SCHIP1: variants seen among roughly 807,000 people sequenced by gnomAD.
SCHIP1 encodes the protein schwannomin-interacting protein 1.
SCHIP1 carries 8 observed loss-of-function variants against 29.7 expected under a neutral mutation model. The observed-to-expected ratio is 0.27, with a 90% confidence interval of 0.16 to 0.49. The LOEUF (loss-of-function observed/expected upper bound fraction) is 0.49. SCHIP1 is among the 20% of genes least tolerant of loss of function. The pLI is 0.99. For missense variants in SCHIP1, 193 were observed against 294.6 expected (o/e 0.66, Z 2.52); for synonymous variants, 76 against 94.9 (o/e 0.80, Z 1.16).
chr3:159,713,935 T>C, the SCHIP1 span, among the ~76,000 whole-genome samples: 1 of 152,238 alleles, frequency 6.6e-6, no homozygotes, highest in Non-Finnish European at 1.5e-5. Flanking sequence ...GTCACATTTA[T>C]TGTTAATATT....
At chr3:159,795,338 C>A in the SCHIP1 span, among the ~76,000 whole-genome samples, 1 of 152,196 alleles carries the variant, frequency 6.6e-6, no homozygotes, top group African/African-American at 2.4e-5. Flanking sequence ...CTAATCCCAG[C>A]TCTTCCACTC....
At chr3:159,451,136 G>A in the SCHIP1 span, among the ~76,000 whole-genome samples, 3 of 152,082 alleles carry the variant, frequency 2.0e-5, no homozygotes, top group Non-Finnish European at 4.4e-5. Context: ...ATGACTATGA[G>A]ATTTAAAACC....
chr3:159,495,052 A>G, the SCHIP1 span, among the ~76,000 whole-genome samples: 1 of 152,246 alleles, frequency 6.6e-6, no homozygotes, highest in Non-Finnish European at 1.5e-5. Context: ...GACAAAATTC[A>G]ACAGCCCTTC....
chr3:159,446,757 C>T, the SCHIP1 span, among the ~76,000 whole-genome samples: 1 of 152,144 alleles, frequency 6.6e-6, no homozygotes, highest in South Asian at 2.1e-4. Context: ...CTGCCCCAAA[C>T]CAATTTTAAT....
At chr3:159,461,103 G>T in the SCHIP1 span, among the ~76,000 whole-genome samples, 4 of 152,150 alleles carry the variant, frequency 2.6e-5, no homozygotes, top group Middle Eastern at 0.01. Context: ...TGGGGTCAAG[G>T]GTCAGCACTC....
At chr3:159,448,845 A>G in the SCHIP1 span, among the ~76,000 whole-genome samples, 1 of 152,182 alleles carries the variant, frequency 6.6e-6, no homozygotes, top group Non-Finnish European at 1.5e-5. Flanking sequence ...GAGTGGATGG[A>G]TGCCCTTGGG....
At chr3:159,640,898 T>G in the SCHIP1 span, among the ~76,000 whole-genome samples, 1 of 152,194 alleles carries the variant, frequency 6.6e-6, no homozygotes, top group Non-Finnish European at 1.5e-5. Flanking sequence ...AGTTCTTGCC[T>G]ACATTAGAAA....
chr3:159,772,401 C>T, the SCHIP1 span, among the ~76,000 whole-genome samples: 8 of 152,222 alleles, frequency 5.3e-5, no homozygotes, highest in African/African-American at 1.9e-4. Flanking sequence ...GCCTTGGCCT[C>T]CCAAGTGCTG....
At chr3:159,401,292 G>A in the SCHIP1 span, 14 of 885,214 alleles carry the variant, frequency 1.6e-5, no homozygotes, top group East Asian at 7.2e-4. Flanking sequence ...TAGTGGTGAG[G>A]GGATGTGCAA....
chr3:159,705,927 G>A, the SCHIP1 span, among the ~76,000 whole-genome samples: 42 of 152,094 alleles, frequency 2.8e-4, 1 homozygote, highest in Middle Eastern at 3.4e-3. Context: ...GGCTGGTCTC[G>A]GAGTCCTGAC....
chr3:159,388,147 A>G, the SCHIP1 span, among the ~76,000 whole-genome samples: 1 of 152,168 alleles, frequency 6.6e-6, no homozygotes, highest in Non-Finnish European at 1.5e-5. Context: ...TATTGGAAAG[A>G]AGGAGAGCAA....
the SCHIP1 span, chr3:159,275,124 A>G: frequency 3.1e-5 from 29 of 942,682 alleles, no homozygotes; most frequent in African/African-American, 5.1e-4. Context: ...CTTAGTATAC[A>G]TTTTTGTCAT....
the SCHIP1 span, among the ~76,000 whole-genome samples, chr3:159,526,680 G>A: frequency 2.0e-5 from 3 of 152,188 alleles, no homozygotes; most frequent in Non-Finnish European, 4.4e-5. Flanking sequence ...AGTAGCTCCT[G>A]TTTGTTTTTG....
the SCHIP1 span, among the ~76,000 whole-genome samples, chr3:159,679,223 C>G: frequency 6.6e-6 from 1 of 151,548 alleles, no homozygotes; most frequent in South Asian, 2.1e-4. Context: ...GGCTTGTTGT[C>G]AAACGTGTTA....
chr3:159,613,900 C>T, the SCHIP1 span, among the ~76,000 whole-genome samples: 2 of 152,192 alleles, frequency 1.3e-5, no homozygotes, highest in African/African-American at 2.4e-5. Context: ...CAGAGATCAT[C>T]GAGGTTGTGT....
chr3:159,542,727 A>G, the SCHIP1 span, among the ~76,000 whole-genome samples: 7 of 152,106 alleles, frequency 4.6e-5, no homozygotes, highest in Admixed American at 1.3e-4. Flanking sequence ...TCCTCTCACA[A>G]AGGAATTTCT....
chr3:159,638,539 A>G, the SCHIP1 span, among the ~76,000 whole-genome samples: 13 of 152,110 alleles, frequency 8.5e-5, no homozygotes, highest in Admixed American at 4.6e-4. Context: ...AAGAATATGA[A>G]AGACTTCAAG....
At chr3:159,808,387 T>G in the SCHIP1 span, 2 of 152,228 alleles carry the variant, frequency 1.3e-5, no homozygotes, top group East Asian at 3.8e-4. Context: ...CTTCTCAGAC[T>G]CCCTTGCAGT....
At chr3:159,731,493 C>A in the SCHIP1 span, among the ~76,000 whole-genome samples, 2 of 152,132 alleles carry the variant, frequency 1.3e-5, no homozygotes, top group African/African-American at 4.8e-5. Flanking sequence ...GAGGACTGTG[C>A]GTGTTTATCT....
Sources: allele counts gnomAD v4.1 joint callset (sites outside exome capture counted in the v4.1 genomes callset), GRCh38; gene constraint gnomAD v4.1.1; transcripts MANE v1.5; gene names NCBI Gene and HGNC (gene_info 2026-07-23, HGNC 2026-07-21).